SNRPF: variants seen among roughly 807,000 people sequenced by gnomAD.
SNRPF encodes the protein small nuclear ribonucleoprotein F.
In SNRPF, 1 loss-of-function variant was observed where a neutral mutation model predicts 13.4. The ratio of observed to expected loss-of-function variants is 0.07; its 90% CI spans 0.03 to 0.35. The LOEUF (loss-of-function observed/expected upper bound fraction) is 0.35, where lower values mean the gene tolerates loss of function less well. SNRPF is among the 10% of genes least tolerant of loss of function. SNRPF has a pLI of 0.99. For synonymous variants in SNRPF, 27 were observed against 32.1 expected (o/e 0.84, Z 0.54); for missense variants, 53 against 101.0 (o/e 0.52, Z 2.04).
chr12:95,860,924 A>G (rs954734866), intron 1 of SNRPF, among the ~76,000 whole-genome samples: 1 of 139,544 alleles, frequency 7.2e-6, no homozygotes, highest in African/African-American at 2.7e-5. Flanking sequence ...TGATGTAGGT[A>G]GTCAGTGTAT....
At chr12:95,863,486 C>G (rs1265571802) in intron 2 of SNRPF, among the ~76,000 whole-genome samples, 1 of 152,196 alleles carries the variant, frequency 6.6e-6, no homozygotes, top group Admixed American at 6.5e-5. Flanking sequence ...GTCTGAGTAA[C>G]CAACCACTTT....
intron 3 of SNRPF, 77 bp downstream of exon 3, chr12:95,865,465 C>T (rs572998157): frequency 1.9e-4 from 118 of 629,074 alleles, no homozygotes; most frequent in Admixed American, 4.0e-4. Flanking sequence ...ATTAGTGCCT[C>T]AATTTTGGAA....
chr12:95,859,655 G>A (rs1319033418), intron 1 of SNRPF, among the ~76,000 whole-genome samples: 1 of 152,130 alleles, frequency 6.6e-6, no homozygotes, highest in Non-Finnish European at 1.5e-5. Context: ...AGTGTACCGA[G>A]CACAGGGAAT....
chr12:95,862,992 A>G (rs1304796346), intron 2 of SNRPF, among the ~76,000 whole-genome samples: 1 of 151,932 alleles, frequency 6.6e-6, no homozygotes, highest in Admixed American at 6.6e-5. Context: ...TTAAAAAATT[A>G]GTTTGGGATT....
chr12:95,866,028 G>A lies in SNRPF; in HGVS notation c.218G>A (p.Arg73Lys). ...LIRCNNVLYI[R>K]GVEEEEEDGE... Reference sequence around the variant, plus strand: ...AGGTGTAATAATGTCCTTTATATCAGAGGTGTGGAAGAAGAGGAAGAAGAT... The same window carrying A: ...AGGTGTAATAATGTCCTTTATATCAAAGGTGTGGAAGAAGAGGAAGAAGAT... The change falls in exon 4 of 4, where the codon AGA becomes AAA. Residue 73 changes from arginine (R) to lysine (K), a missense_variant. Coordinates refer to ENST00000266735, the MANE Select transcript of SNRPF (RefSeq NM_003095.5). 1 of 1,553,192 alleles carries A rather than the reference G, an allele frequency of 6.4e-7. No homozygotes were observed. The highest frequency in any genetic ancestry group is 8.8e-7 in the Non-Finnish European group (1 of 1,136,022).
chr12:95,860,196 C>T (rs1196059656), intron 1 of SNRPF, among the ~76,000 whole-genome samples: 1 of 152,164 alleles, frequency 6.6e-6, no homozygotes, highest in Admixed American at 6.5e-5. Flanking sequence ...CCCTAGCTTC[C>T]CCAGTTAAAT....
At chr12:95,864,437 C>G (rs2079511807) in intron 2 of SNRPF, among the ~76,000 whole-genome samples, 1 of 152,030 alleles carries the variant, frequency 6.6e-6, no homozygotes, top group South Asian at 2.1e-4. Context: ...AAATAATTCA[C>G]CAAAATAACT....
intron 2 of SNRPF, among the ~76,000 whole-genome samples, chr12:95,864,912 G>A (rs1401234551): frequency 6.6e-6 from 1 of 152,138 alleles, no homozygotes; most frequent in Non-Finnish European, 1.5e-5. Flanking sequence ...TAAAAGACAG[G>A]AAAAGAAGAA....
At chr12:95,859,612 A>G (rs1405578390) in intron 1 of SNRPF, among the ~76,000 whole-genome samples, 1 of 152,240 alleles carries the variant, frequency 6.6e-6, no homozygotes, top group African/African-American at 2.4e-5. Context: ...CCTAAGTGTC[A>G]TGAAATACGA....
rs770369226 is a variant in SNRPF, at chr12:95,859,048, G to A, written c.-26G>A. 1 of 1,612,698 alleles carries A rather than the reference G, an allele frequency of 6.2e-7. No individual in the cohort carries two copies. Among genetic ancestry groups the A allele is most frequent in the Non-Finnish European group, 8.5e-7 (1 of 1,179,666 alleles). Reference sequence around the variant, plus strand: ...GCGGCGGCCTGGTCGGCAGAGAGTAGCCTGCAACATTCGGCCGTGGTTACG... The same window carrying A: ...GCGGCGGCCTGGTCGGCAGAGAGTAACCTGCAACATTCGGCCGTGGTTACG... On this transcript the variant is annotated 5_prime_UTR_variant, in exon 1 of 4. Transcript: ENST00000266735.
chr12:95,860,555 C>CATTT (rs760930486), intron 1 of SNRPF, among the ~76,000 whole-genome samples: 16 of 152,044 alleles, frequency 1.1e-4, no homozygotes, highest in South Asian at 8.3e-4. Flanking sequence ...GACAGGGACT[C>CATTT]ATTTATTTAT....
intron 2 of SNRPF, chr12:95,861,981 CCATTAAACAATAATTTTACAATTAAA>C (rs1320754814): frequency 6.6e-6 from 1 of 152,000 alleles, no homozygotes; most frequent in African/African-American, 2.4e-5. Flanking sequence ...CAATAATTTT[CCATTAAACAATAATTTTACAATTAAA>C]CATTAAACAA....
At chr12:95,865,124 A>C in intron 2 of SNRPF, 200 bp from the exon 3 acceptor site, 1 of 373,344 alleles carries the variant, frequency 2.7e-6, no homozygotes, top group Non-Finnish European at 4.8e-6. Context: ...AGCTTTGAAT[A>C]TTAATTTCGT....
At chr12:95,859,112 A>G (rs1394243051) in intron 1 of SNRPF, 36 bp downstream of exon 1, 39 of 1,584,468 alleles carry the variant, frequency 2.5e-5, no homozygotes, top group Non-Finnish European at 2.9e-5. Context: ...AAGCGGGGAG[A>G]AAGAGAAGGA....
rs986414071 is a variant in SNRPF, at chr12:95,858,986, C to A, written c.-88C>A. On this transcript the variant is annotated 5_prime_UTR_variant, in exon 1 of 4. Coordinates refer to ENST00000266735, the MANE Select transcript of SNRPF (RefSeq NM_003095.5). ...GGCCATTTCTCTTGAAACTGCGGCT[C>A]GGGACCTGCGGTACCTGCTGTAGTC... The A allele has an allele frequency of 1.1e-4, 173 of 1,587,808 alleles. No homozygotes were observed. Among genetic ancestry groups the A allele is most frequent in the Non-Finnish European group, 1.4e-4 (168 of 1,168,518 alleles).
chr12:95,864,500 GAA>G (rs1431656271), intron 2 of SNRPF, among the ~76,000 whole-genome samples: 1 of 152,194 alleles, frequency 6.6e-6, no homozygotes, highest in Non-Finnish European at 1.5e-5. Context: ...TACCATAAGG[GAA>G]ACACACTACT....
chr12:95,862,207 T>C (rs572357704), intron 2 of SNRPF, among the ~76,000 whole-genome samples: 17 of 152,324 alleles, frequency 1.1e-4, no homozygotes, highest in African/African-American at 4.1e-4. Context: ...AGAATTTCCT[T>C]TTTATGACTG....
chr12:95,865,282 C>T (rs540731471), intron 2 of SNRPF, 42 bp from the exon 3 acceptor site: 4 of 966,004 alleles, frequency 4.1e-6, no homozygotes, highest in South Asian at 4.1e-5. Flanking sequence ...GTAATATTTT[C>T]CTCCTGTGTG....
chr12:95,859,034 G>A lies in SNRPF; in HGVS notation c.-40G>A. The A allele has an allele frequency of 6.2e-7, 1 of 1,611,316 alleles. No individual in the cohort carries two copies. Among genetic ancestry groups the A allele is most frequent in the Non-Finnish European group, 8.5e-7 (1 of 1,179,306 alleles). ...GTCACGAGGGACGGGCGGCGGCCTG[G>A]TCGGCAGAGAGTAGCCTGCAACATT... On this transcript the variant is annotated 5_prime_UTR_variant, in exon 1 of 4. Coordinates refer to ENST00000266735, the MANE Select transcript of SNRPF (RefSeq NM_003095.5).
Sources: gnomAD v4.1 joint callset for allele counts (sites outside exome capture counted in the v4.1 genomes callset) on GRCh38, gnomAD v4.1.1 for gene constraint, MANE v1.5 for transcripts, NCBI Gene and HGNC (gene_info 2026-07-23, HGNC 2026-07-21) for gene names.